The following ITGA2 variants were observed in gnomAD, a reference collection of about 807,000 sequenced individuals.
The protein encoded by ITGA2 is integrin subunit alpha 2.
A neutral mutation model predicts 146.3 loss-of-function variants in ITGA2; 101 were observed. The ratio of observed to expected loss-of-function variants is 0.69; its 90% CI spans 0.59 to 0.81. ITGA2 has a LOEUF of 0.81. ITGA2 is among the 40% of genes least tolerant of loss of function. The probability of loss-of-function intolerance (pLI) is 0.00; values close to 1 mark genes in which losing one functional copy is unlikely to be tolerated. For synonymous variants in ITGA2, 477 were observed against 487.1 expected (o/e 0.98, Z 0.27); for missense variants, 1,281 against 1,402.7 (o/e 0.91, Z 1.39).
rs777187023 is a variant in ITGA2, at chr5:53,048,413, G to A, written c.438G>A (p.Thr146=). ...AATGTGGGAATCAGTATTACACAAC[G>A]GGTGTGTGTTCTGACATCAGTCCTG... ...AQQCGNQYYT[T]GVCSDISPDF... The change falls in exon 5 of 30, where the codon ACG becomes ACA. Residue 146 remains threonine (T), a synonymous_variant. Transcript: ENST00000296585. 1.2e-5 allele frequency: 19 copies of A among 1,613,980 alleles called. No individual in the cohort carries two copies. Among genetic ancestry groups the A allele is most frequent in the African/African-American group, 4.0e-5 (3 of 74,922 alleles).
At chr5:53,022,751 A>C (rs913029435) in intron 1 of ITGA2, among the ~76,000 whole-genome samples, 2 of 152,134 alleles carry the variant, frequency 1.3e-5, no homozygotes, top group Non-Finnish European at 2.9e-5. Flanking sequence ...TTTTTTGTAG[A>C]GATGAGGTCT....
intron 20 of ITGA2, 110 bp from the exon 21 acceptor site, chr5:53,074,275 G>A: frequency 1.2e-6 from 1 of 820,352 alleles, no homozygotes; most frequent in Non-Finnish European, 2.1e-6. Flanking sequence ...ATTTCAGTAT[G>A]AACCAACCTT....
intron 1 of ITGA2, among the ~76,000 whole-genome samples, chr5:53,000,975 C>G (rs555058246): frequency 1.2e-4 from 16 of 138,958 alleles, no homozygotes; most frequent in Non-Finnish European, 2.1e-4. Flanking sequence ...AATCTTGGCT[C>G]ACTGCAACTT....
Position 53,081,447 on chromosome 5 carries a change from A to T in ITGA2, c.3040-145A>T, listed in dbSNP as rs114293609. ...TGATGTTCACCTAGAGATTATATGA[A>T]GTGTGGCCAGGTCAGTGGCGTTGAA... On this transcript the variant is annotated intron_variant, in intron 25 of 29. Coordinates refer to ENST00000296585, the MANE Select transcript of ITGA2 (RefSeq NM_002203.4). 943 of 702,428 alleles carry T rather than the reference A, an allele frequency of 1.3e-3. 7 individuals are homozygous for T. The African/African-American group carries it at 0.015, about 11-fold the overall frequency. 43.5% of individuals were successfully genotyped at this position (702,428 alleles called of 1,614,324 possible).
At chr5:53,014,456 A>G (rs1742305840) in intron 1 of ITGA2, among the ~76,000 whole-genome samples, 1 of 152,156 alleles carries the variant, frequency 6.6e-6, no homozygotes, top group African/African-American at 2.4e-5. Flanking sequence ...AACCTACTTG[A>G]TCATGGTGGA....
intron 1 of ITGA2, among the ~76,000 whole-genome samples, chr5:53,001,689 A>C (rs988455019): frequency 2.0e-5 from 3 of 152,100 alleles, no homozygotes; most frequent in Non-Finnish European, 4.4e-5. Flanking sequence ...AAATTTAAAA[A>C]ATTAGCCAGG....
intron 1 of ITGA2, among the ~76,000 whole-genome samples, chr5:53,018,465 G>A (rs1032086994): frequency 6.6e-6 from 1 of 152,040 alleles, no homozygotes; most frequent in Non-Finnish European, 1.5e-5. Flanking sequence ...CTGGTGCTGG[G>A]CAGCCTCGTG....
intron 2 of ITGA2, among the ~76,000 whole-genome samples, chr5:53,036,187 A>G (rs1478264420): frequency 1.3e-5 from 2 of 152,138 alleles, no homozygotes; most frequent in South Asian, 2.1e-4. Flanking sequence ...TGAGCACTCC[A>G]TCATCTGTTG....
chr5:53,048,736 T>A lies in ITGA2; in HGVS notation c.596T>A (p.Val199Glu). Residue 199 changes from valine (V) to glutamate (E), a missense_variant, in exon 6 of 30, where the codon GTA becomes GAA. Physicochemically the swap from Val to Glu is moderately radical, Grantham distance 121. Transcript: ENST00000296585. ...GTAAAGAATTTTTTGGAAAAATTTG[T>A]ACAAGGCCTGGATATAGGCCCCACA... is the stretch of plus-strand genomic sequence containing the variant. ...DAVKNFLEKF[V>E]QGLDIGPTKT... 1 of 1,614,058 alleles carries A rather than the reference T, an allele frequency of 6.2e-7. No individual in the cohort carries two copies.
intron 7 of ITGA2, among the ~76,000 whole-genome samples, chr5:53,054,566 T>C: frequency 6.6e-6 from 1 of 152,104 alleles, no homozygotes; most frequent in East Asian, 1.9e-4. Context: ...GTCCTAAGCA[T>C]CCAATAATGG....
At position 52,989,433 on chromosome 5, in the gene ITGA2, A is replaced by G; in HGVS notation, c.-36A>G. On this transcript the variant is annotated 5_prime_UTR_variant, in exon 1 of 30. Coordinates refer to ENST00000296585, the MANE Select transcript of ITGA2 (RefSeq NM_002203.4). Reference sequence around the variant, plus strand: ...GGGTATCCTCTGCAAACCTCTGCAAACCCAGCGCAACTACGGTCCCCCGGT... The same window carrying G: ...GGGTATCCTCTGCAAACCTCTGCAAGCCCAGCGCAACTACGGTCCCCCGGT... 1 of 1,612,736 alleles carries G rather than the reference A, an allele frequency of 6.2e-7. No homozygotes were observed. The highest frequency in any genetic ancestry group is 2.2e-5 in the East Asian group (1 of 44,874).
rs538123047 is a variant in ITGA2 at position 53,054,392 on chromosome 5, A to C, written c.780-1146A>C. Among the ~76,000 whole-genome samples, 27 of 152,290 alleles carry C rather than the reference A, an allele frequency of 1.8e-4. 1 individual carries two copies. The South Asian group carries it at 5.2e-3, about 29-fold the overall frequency. ...CTTCTTAAAGTATTCAAGACATAGAATGCTCTGATTTTTTTCTTTATTTGA... is the reference window on the plus strand; with the variant it reads ...CTTCTTAAAGTATTCAAGACATAGACTGCTCTGATTTTTTTCTTTATTTGA... On this transcript the variant is annotated intron_variant, in intron 7 of 29. Transcript: ENST00000296585.
intron 7 of ITGA2, among the ~76,000 whole-genome samples, chr5:53,053,926 C>T (rs1259558657): frequency 6.6e-6 from 1 of 152,120 alleles, no homozygotes; most frequent in South Asian, 2.1e-4. Flanking sequence ...AAATGAGACA[C>T]AGTTTCTGTC....
intron 1 of ITGA2, among the ~76,000 whole-genome samples, chr5:53,000,125 C>G (rs1424159340): frequency 1.3e-5 from 2 of 152,084 alleles, no homozygotes; most frequent in African/African-American, 4.8e-5. Flanking sequence ...AATTTTTTAA[C>G]ATTGCAATTG....
At chr5:52,991,144 G>A (rs968998798) in intron 1 of ITGA2, among the ~76,000 whole-genome samples, 5 of 152,042 alleles carry the variant, frequency 3.3e-5, no homozygotes, top group Admixed American at 2.6e-4. Flanking sequence ...AGAGATGATC[G>A]AAAATAACAT....
At chr5:53,051,759 T>C (rs1744380205) in intron 7 of ITGA2, among the ~76,000 whole-genome samples, 200 bp downstream of exon 7, 1 of 152,194 alleles carries the variant, frequency 6.6e-6, no homozygotes, top group South Asian at 2.1e-4. Context: ...GTTAAATCTT[T>C]GATTTTAGGA....
chr5:52,994,367 T>G (rs550463772), intron 1 of ITGA2, among the ~76,000 whole-genome samples: 19 of 152,318 alleles, frequency 1.2e-4, no homozygotes, highest in African/African-American at 4.3e-4. Flanking sequence ...TACCATCCTC[T>G]TCTGCATAGC....
At chr5:52,993,623 C>T (rs1178822766) in intron 1 of ITGA2, among the ~76,000 whole-genome samples, 1 of 152,090 alleles carries the variant, frequency 6.6e-6, no homozygotes, top group Non-Finnish European at 1.5e-5. Context: ...GTGCTGACAG[C>T]CCTGGAGATA....
chr5:53,087,573 T>C (rs1275862979), intron 28 of ITGA2, among the ~76,000 whole-genome samples: 1 of 151,466 alleles, frequency 6.6e-6, no homozygotes, highest in Non-Finnish European at 1.5e-5. Flanking sequence ...CTGTGTGGCA[T>C]GTCCATTCAT....
Sources: gnomAD v4.1 joint callset for allele counts (sites outside exome capture counted in the v4.1 genomes callset) on GRCh38, gnomAD v4.1.1 for gene constraint, MANE v1.5 for transcripts, NCBI Gene and HGNC (gene_info 2026-07-23, HGNC 2026-07-21) for gene names.